The following B3GALT1 variants were observed in gnomAD, a reference collection of about 807,000 sequenced individuals.
The protein encoded by B3GALT1 is UDP-Gal:betaGlcNAc beta 1,3-galactosyltransferase, polypeptide 1.
B3GALT1 carries 10 observed loss-of-function variants against 23.2 expected under a neutral mutation model. The observed-to-expected ratio is 0.43, with a 90% CI of 0.27 to 0.73. B3GALT1 has a LOEUF of 0.73. B3GALT1 is among the 30% of genes least tolerant of loss of function. B3GALT1 has a pLI of 0.21. For missense variants in B3GALT1, 299 were observed against 405.4 expected (o/e 0.74, Z 2.25); for synonymous variants, 156 against 141.5 (o/e 1.10, Z -0.73).
At chr2:167,807,653 A>G (rs1189841771) in intron 3 of B3GALT1, among the ~76,000 whole-genome samples, 1 of 151,974 alleles carries the variant, frequency 6.6e-6, no homozygotes, top group Non-Finnish European at 1.5e-5. Flanking sequence ...CCTGAGTTCT[A>G]GTTTGATTGC....
At chr2:167,831,180 C>T (rs1441646042) in intron 4 of B3GALT1, among the ~76,000 whole-genome samples, 2 of 152,192 alleles carry the variant, frequency 1.3e-5, no homozygotes, top group African/African-American at 4.8e-5. Context: ...TGTCCCTCTC[C>T]TGTCTGAATC....
chr2:167,588,866 T>TTTCCTTCCTTCC (rs764207112), intron 2 of B3GALT1, among the ~76,000 whole-genome samples: 2 of 133,746 alleles, frequency 1.5e-5, no homozygotes, highest in Non-Finnish European at 3.1e-5. Flanking sequence ...TCCTTCCTTC[T>TTTCCTTCCTTCC]TTCCTTCCTT....
chr2:167,805,169 G>T (rs896291888), intron 3 of B3GALT1, among the ~76,000 whole-genome samples: 10 of 152,088 alleles, frequency 6.6e-5, no homozygotes, highest in Admixed American at 1.3e-4. Context: ...CTTTTTGATG[G>T]GGCTGTTTGT....
chr2:167,551,401 C>G (rs757149921), intron 2 of B3GALT1, among the ~76,000 whole-genome samples: 1 of 152,138 alleles, frequency 6.6e-6, no homozygotes, highest in Admixed American at 6.5e-5. Flanking sequence ...TTCTTTGAGA[C>G]TAGAGAGAAG....
At chr2:167,333,067 A>C (rs1036455228) in intron 1 of B3GALT1, among the ~76,000 whole-genome samples, 23 of 152,210 alleles carry the variant, frequency 1.5e-4, no homozygotes, top group Non-Finnish European at 3.1e-4. Context: ...AATGATGGCA[A>C]ATTGAACCAT....
At chr2:167,809,731 A>C (rs1333894609) in intron 3 of B3GALT1, among the ~76,000 whole-genome samples, 1 of 152,214 alleles carries the variant, frequency 6.6e-6, no homozygotes, top group African/African-American at 2.4e-5. Context: ...CTCGGGGGTC[A>C]GGGACCCACT....
At chr2:167,434,718 C>A (rs865974464) in intron 1 of B3GALT1, among the ~76,000 whole-genome samples, 1 of 142,648 alleles carries the variant, frequency 7.0e-6, no homozygotes, top group Admixed American at 7.0e-5. Context: ...TGACCCCCCC[C>A]CCTTATTTTT....
chr2:167,445,553 A>G (rs972443535), intron 1 of B3GALT1, among the ~76,000 whole-genome samples: 1 of 152,122 alleles, frequency 6.6e-6, no homozygotes, highest in African/African-American at 2.4e-5. Context: ...ATGCTCCTGT[A>G]TTGGGTGCAT....
At chr2:167,447,837 C>G (rs13030694) in intron 1 of B3GALT1, among the ~76,000 whole-genome samples, 2 of 152,082 alleles carry the variant, frequency 1.3e-5, no homozygotes, top group Non-Finnish European at 2.9e-5. Context: ...CACCCCACTT[C>G]GGCTCTTGCT....
chr2:167,676,925 C>G (rs1211702990), intron 3 of B3GALT1, among the ~76,000 whole-genome samples: 1 of 152,178 alleles, frequency 6.6e-6, no homozygotes, highest in Non-Finnish European at 1.5e-5. Flanking sequence ...CAAGTACTCT[C>G]AAAGTTATTT....
intron 2 of B3GALT1, among the ~76,000 whole-genome samples, chr2:167,607,025 TGAAATGCTTG>T: frequency 6.6e-6 from 1 of 152,288 alleles, no homozygotes; most frequent in Admixed American, 6.5e-5. Context: ...TATGATTTTA[TGAAATGCTTG>T]GTATGTATCC....
At chr2:167,823,366 A>AAAT (rs1169930987) in intron 4 of B3GALT1, among the ~76,000 whole-genome samples, 1 of 152,182 alleles carries the variant, frequency 6.6e-6, no homozygotes, top group East Asian at 1.9e-4. Context: ...ACTAAAAAAA[A>AAAT]AATCATTCTT....
intron 4 of B3GALT1, among the ~76,000 whole-genome samples, chr2:167,837,451 G>A (rs1054651462): frequency 9.7e-4 from 147 of 151,836 alleles, no homozygotes; most frequent in African/African-American, 3.3e-3. Flanking sequence ...TAATGGTAAA[G>A]GGATCAATTC....
chr2:167,562,769 TGGTTTTCCTAGGCA>T (rs1684034668), intron 2 of B3GALT1, among the ~76,000 whole-genome samples: 1 of 152,038 alleles, frequency 6.6e-6, no homozygotes, highest in South Asian at 2.1e-4. Flanking sequence ...CAAAGGTCTC[TGGTTTTCCTAGGCA>T]GAGGACCCTG....
At chr2:167,729,692 C>G (rs193255145) in intron 3 of B3GALT1, among the ~76,000 whole-genome samples, 153 of 152,234 alleles carry the variant, frequency 1.0e-3, no homozygotes, top group African/African-American at 3.5e-3. Context: ...TTCTATCAAT[C>G]ATCACATCCA....
At chr2:167,777,916 C>T (rs1052778082) in intron 3 of B3GALT1, among the ~76,000 whole-genome samples, 1 of 151,558 alleles carries the variant, frequency 6.6e-6, no homozygotes, top group Non-Finnish European at 1.5e-5. Flanking sequence ...TTGTCACATC[C>T]AACAGGAAGC....
intron 1 of B3GALT1, among the ~76,000 whole-genome samples, chr2:167,453,732 T>G (rs1699124343): frequency 6.6e-6 from 1 of 152,234 alleles, no homozygotes; most frequent in Non-Finnish European, 1.5e-5. Flanking sequence ...AATTATCCTT[T>G]TTTTCAGGTA....
intron 4 of B3GALT1, among the ~76,000 whole-genome samples, chr2:167,840,920 G>A (rs200595618): frequency 3.4e-5 from 5 of 146,072 alleles, no homozygotes; most frequent in East Asian, 2.0e-4. Context: ...GTAAACTATC[G>A]AAGAACAAAA....
chr2:167,854,560 C>T (rs1021237916), intron 4 of B3GALT1, among the ~76,000 whole-genome samples: 2 of 152,206 alleles, frequency 1.3e-5, no homozygotes, highest in African/African-American at 2.4e-5. Flanking sequence ...CATGTGTTTT[C>T]TGGAACATCC....
Sources: gnomAD v4.1 joint callset for allele counts (sites outside exome capture counted in the v4.1 genomes callset) on GRCh38, gnomAD v4.1.1 for gene constraint, MANE v1.5 for transcripts, NCBI Gene and HGNC (gene_info 2026-07-23, HGNC 2026-07-21) for gene names.